The following GPC3 variants were observed in gnomAD, a reference collection of about 807,000 sequenced individuals.
GPC3 encodes glypican-3.
Under a neutral mutation model 34.4 loss-of-function variants are expected in GPC3, and 3 were observed. The ratio of observed to expected loss-of-function variants is 0.09; its 90% confidence interval spans 0.04 to 0.23. The LOEUF is 0.23. Among genes scored for constraint, GPC3 ranks in the 10% least tolerant of loss-of-function variants. The pLI, the probability that GPC3 is intolerant of heterozygous loss-of-function variation, is 1.00. For synonymous variants in GPC3, 177 were observed against 174.0 expected (o/e 1.02, Z -0.13); for missense variants, 351 against 445.6 (o/e 0.79, Z 1.91).
chrX:133,592,769 T>C (rs1416016783), intron 7 of GPC3, among the ~76,000 whole-genome samples: 1 of 110,757 alleles, frequency 9.0e-6, no homozygotes, highest in Non-Finnish European at 1.9e-5. Flanking sequence ...TGCCTAGATG[T>C]TTTATAAATG....
At chrX:133,815,220 G>T (rs1013056992) in intron 2 of GPC3, among the ~76,000 whole-genome samples, 1 of 105,429 alleles carries the variant, frequency 9.5e-6, no homozygotes, top group African/African-American at 3.4e-5. Context: ...TAGGAATTAT[G>T]CATCATAGTC....
chrX:133,722,633 C>G (rs2071378340), intron 3 of GPC3, among the ~76,000 whole-genome samples: 1 of 112,037 alleles, frequency 8.9e-6, no homozygotes, highest in African/African-American at 3.2e-5. Flanking sequence ...TGGTAGGCAG[C>G]AGTGCTGTTG....
At chrX:133,694,574 C>G in intron 4 of GPC3, among the ~76,000 whole-genome samples, 1 of 110,295 alleles carries the variant, frequency 9.1e-6, no homozygotes, top group Non-Finnish European at 1.9e-5. Context: ...TAATTCCCCC[C>G]ACTCCATAAG....
intron 2 of GPC3, among the ~76,000 whole-genome samples, chrX:133,760,038 T>G (rs941130704): frequency 1.8e-5 from 2 of 111,713 alleles, no homozygotes; most frequent in African/African-American, 6.5e-5. Flanking sequence ...GAAAAAGATA[T>G]TCAATATCAT....
intron 6 of GPC3, among the ~76,000 whole-genome samples, chrX:133,642,790 AAAAG>A (rs1569403954): frequency 1.9e-5 from 2 of 106,072 alleles, no homozygotes; most frequent in East Asian, 2.9e-4. Flanking sequence ...AAAAAAAAAA[AAAAG>A]AAAGAAAGAA....
intron 2 of GPC3, among the ~76,000 whole-genome samples, chrX:133,796,432 T>A (rs1212895211): frequency 8.9e-6 from 1 of 112,219 alleles, no homozygotes; most frequent in African/African-American, 3.2e-5. Context: ...CTGGCTACAG[T>A]AACACTAAGA....
chrX:133,956,106 A>G (rs1279130536), intron 1 of GPC3, among the ~76,000 whole-genome samples: 1 of 111,771 alleles, frequency 8.9e-6, no homozygotes, highest in African/African-American at 3.3e-5. Context: ...AAAGCAGTAA[A>G]GGAGAACACA....
intron 1 of GPC3, among the ~76,000 whole-genome samples, chrX:133,960,306 G>A (rs991528289): frequency 2.7e-5 from 3 of 109,848 alleles, no homozygotes; most frequent in African/African-American, 9.9e-5. Context: ...AGCTTCTCAA[G>A]CAGAGACATA....
chrX:133,954,745 T>C (rs1215685107), intron 1 of GPC3, among the ~76,000 whole-genome samples: 5 of 86,248 alleles, frequency 5.8e-5, no homozygotes, highest in Non-Finnish European at 9.1e-5. Flanking sequence ...TCTCTTTTTT[T>C]TTTTTTTTTT....
At chrX:133,734,523 C>T (rs1043707326) in intron 3 of GPC3, among the ~76,000 whole-genome samples, 1 of 104,515 alleles carries the variant, frequency 9.6e-6, no homozygotes, top group African/African-American at 3.5e-5. Context: ...TGACATTGTA[C>T]TGGAGGTTCA....
chrX:133,778,671 C>A (rs1002852174), intron 2 of GPC3, among the ~76,000 whole-genome samples: 1 of 111,586 alleles, frequency 9.0e-6, no homozygotes, highest in Non-Finnish European at 1.9e-5. Flanking sequence ...AACATGATAG[C>A]CAAAGACATG....
At chrX:133,715,560 T>C (rs2071305413) in intron 3 of GPC3, among the ~76,000 whole-genome samples, 1 of 111,687 alleles carries the variant, frequency 9.0e-6, no homozygotes, top group Admixed American at 9.5e-5. Context: ...GATGGTTACC[T>C]AAAATACCCC....
chrX:133,895,163 G>C (rs1455300526), intron 2 of GPC3, among the ~76,000 whole-genome samples: 1 of 111,963 alleles, frequency 8.9e-6, no homozygotes, highest in Non-Finnish European at 1.9e-5. Context: ...TTTCACTCCA[G>C]CTACAACTGT....
chrX:133,723,916 G>T (rs2071389374), intron 3 of GPC3, among the ~76,000 whole-genome samples: 1 of 112,414 alleles, frequency 8.9e-6, no homozygotes, highest in African/African-American at 3.2e-5. Context: ...ATAATCAAGA[G>T]ATAGCTGTTT....
chrX:133,818,409 G>A (rs1439778450), intron 2 of GPC3, among the ~76,000 whole-genome samples: 1 of 111,797 alleles, frequency 8.9e-6, no homozygotes, highest in East Asian at 2.8e-4. Context: ...CCTGAGATAA[G>A]GAATTGAAAT....
intron 1 of GPC3, among the ~76,000 whole-genome samples, chrX:133,964,617 A>G (rs993986356): frequency 4.5e-5 from 5 of 110,988 alleles, no homozygotes; most frequent in African/African-American, 1.6e-4. Context: ...AGAGTGTATT[A>G]GTTTCCTAGG....
intron 6 of GPC3, among the ~76,000 whole-genome samples, chrX:133,619,824 TA>T (rs1017015416): frequency 9.1e-6 from 1 of 109,754 alleles, no homozygotes; most frequent in Non-Finnish European, 1.9e-5. Flanking sequence ...TTTTACTCAA[TA>T]AAAAAAAGAC....
intron 2 of GPC3, among the ~76,000 whole-genome samples, chrX:133,934,177 T>G (rs1242818669): frequency 9.3e-6 from 1 of 107,638 alleles, no homozygotes; most frequent in Non-Finnish European, 1.9e-5. Context: ...ACCTCCTTTA[T>G]AAATTTTATT....
chrX:133,738,432 G>A (rs1362432483), intron 3 of GPC3, among the ~76,000 whole-genome samples: 2 of 112,042 alleles, frequency 1.8e-5, no homozygotes, highest in East Asian at 2.8e-4. Context: ...TAGTAGGCAG[G>A]ATAGATAAGA....
Sources: allele counts gnomAD v4.1 joint callset (sites outside exome capture counted in the v4.1 genomes callset), GRCh38; gene constraint gnomAD v4.1.1; transcripts MANE v1.5; gene names NCBI Gene and HGNC (gene_info 2026-07-23, HGNC 2026-07-21).